OSBP2: variants seen among roughly 807,000 people sequenced by gnomAD.
OSBP2 encodes oxysterol-binding protein 2.
Under a neutral mutation model 96.0 loss-of-function variants are expected in OSBP2, and 66 were observed. The ratio of observed to expected loss-of-function variants is 0.69; its 90% confidence interval spans 0.56 to 0.84. The LOEUF (loss-of-function observed/expected upper bound fraction) is 0.84. OSBP2 is among the 40% of genes least tolerant of loss of function. The probability of loss-of-function intolerance (pLI) is 0.00; values close to 1 mark genes in which losing one functional copy is unlikely to be tolerated. For synonymous variants in OSBP2, 525 were observed against 520.9 expected (o/e 1.01, Z -0.11); for missense variants, 1,038 against 1,222.7 (o/e 0.85, Z 2.25).
chr22:30,789,499 G>T (rs1268719683), intron 2 of OSBP2, among the ~76,000 whole-genome samples: 1 of 152,168 alleles, frequency 6.6e-6, no homozygotes, highest in Admixed American at 6.6e-5. Flanking sequence ...ACAAGTGAAT[G>T]AGTGATTTCC....
rs758024314 is a variant in OSBP2, at chr22:30,881,705, C to A, written c.1108-5721C>A. 2 of 1,304,006 alleles carry A rather than the reference C, an allele frequency of 1.5e-6. No homozygotes were observed. Among genetic ancestry groups the A allele is most frequent in the Non-Finnish European group, 2.0e-6 (2 of 988,914 alleles). 80.8% of individuals were successfully genotyped at this position (1,304,006 alleles called of 1,614,324 possible). ...CAGCATTCTGAGAACAGCAGGGCCA[C>A]GCCAGGCGCCTGCCTCTCCCCACAG... On this transcript the variant is annotated intron_variant, in intron 3 of 13. Coordinates refer to ENST00000332585, the MANE Select transcript of OSBP2 (RefSeq NM_030758.4). The surrounding 1 kb of genome is among the most constrained non-coding windows in gnomAD (Gnocchi z 4.5).
chr22:30,695,535 G>C lies in OSBP2; in HGVS notation c.626G>C (p.Gly209Ala), dbSNP rs752641514. 6.2e-7 allele frequency: 1 copy of C among 1,609,744 alleles called. No homozygotes were observed. Among genetic ancestry groups the C allele is most frequent in the Admixed American group, 1.7e-5 (1 of 59,982 alleles). The change falls in exon 1 of 14, where the codon GGT (glycine) becomes GCT (alanine). Residue 209 changes from glycine (G) to alanine (A), a missense_variant. By Grantham distance (60) the Gly-to-Ala change is moderately conservative (BLOSUM62 0). Coordinates refer to ENST00000332585, the MANE Select transcript of OSBP2 (RefSeq NM_030758.4). ...CGCCGCTGGTTCGTGCTGGGCAATG[G>C]TTTGCTCTCTTACTACAGGTATGGA... ...YQRRWFVLGN[G>A]LLSYYRNQGE...
chr22:30,725,183 AAAAAAC>A (rs1296445189), intron 1 of OSBP2, among the ~76,000 whole-genome samples: 6 of 92,806 alleles, frequency 6.5e-5, no homozygotes, highest in Admixed American at 5.0e-4. Context: ...CTCAAAAACA[AAAAAAC>A]AAAAAAACAA....
intron 2 of OSBP2, chr22:30,764,141 C>T: frequency 1.5e-6 from 1 of 673,134 alleles, no homozygotes. Context: ...CTCAGGGGCT[C>T]CCCGGTTCTC....
rs2039432354 is a variant in OSBP2, at chr22:30,870,366, G to A, written c.854-63G>A. ...CCACCCTGCCCTGCTCGGCCTGGCTGTGCAGGCCTCTTGGTACCACGTCTG... is the reference window on the plus strand; with the variant it reads ...CCACCCTGCCCTGCTCGGCCTGGCTATGCAGGCCTCTTGGTACCACGTCTG... On this transcript the variant is annotated intron_variant, in intron 2 of 13. Transcript: ENST00000332585. This position sits in a 1 kb window ranked among gnomAD's most constrained non-coding sequence, Gnocchi z 4.1. 6.4e-7 allele frequency: 1 copy of A among 1,560,344 alleles called. No individual in the cohort carries two copies. Among genetic ancestry groups the A allele is most frequent in the Non-Finnish European group, 8.8e-7 (1 of 1,141,916 alleles).
intron 1 of OSBP2, among the ~76,000 whole-genome samples, chr22:30,712,842 A>G (rs2089375977): frequency 6.6e-6 from 1 of 151,868 alleles, no homozygotes; most frequent in Admixed American, 6.6e-5. Flanking sequence ...AGTGCCCTCT[A>G]TGTGCCAGGC....
chr22:30,850,354 T>C (rs2038956547), intron 2 of OSBP2, among the ~76,000 whole-genome samples: 1 of 152,070 alleles, frequency 6.6e-6, no homozygotes, highest in Non-Finnish European at 1.5e-5. Flanking sequence ...CATGTCTATT[T>C]CTGAACTCTG....
chr22:30,835,825 C>G (rs1215891117), intron 2 of OSBP2, among the ~76,000 whole-genome samples: 1 of 151,576 alleles, frequency 6.6e-6, no homozygotes, highest in African/African-American at 2.4e-5. Flanking sequence ...TCAAGTGATC[C>G]TCCCACCTCA....
In OSBP2 at chr22:30,890,628, C is replaced by G. The variant is rs1256574399; in HGVS notation, c.1624-100C>G. 2.3e-6 allele frequency: 3 copies of G among 1,331,078 alleles called. No homozygotes were observed. The African/African-American group carries it at 4.3e-5, about 19-fold the overall frequency. The allele number at this position is 1,331,078 out of a possible 1,614,324, so 82.5% of individuals were successfully genotyped here. A position where few individuals can be genotyped will look rare whatever the true frequency, so the allele number is the denominator to read the frequency against. On this transcript the variant is annotated intron_variant, in intron 7 of 13. Coordinates refer to ENST00000332585, the MANE Select transcript of OSBP2 (RefSeq NM_030758.4). The surrounding 1 kb of genome is among the most constrained non-coding windows in gnomAD (Gnocchi z 4.4). ...TCTGAGGAGCCTCACTGTGAAGGTGCTGTCTGAGCAGGGATGTCCCTGAAC... is the reference window on the plus strand; with the variant it reads ...TCTGAGGAGCCTCACTGTGAAGGTGGTGTCTGAGCAGGGATGTCCCTGAAC...
chr22:30,778,189 T>TTTTTTTTTTTTTA (rs2090462021), intron 2 of OSBP2, among the ~76,000 whole-genome samples: 1 of 147,314 alleles, frequency 6.8e-6, no homozygotes, highest in Admixed American at 6.8e-5. Flanking sequence ...TTTTTTTTTT[T>TTTTTTTTTTTTTA]TAGTAGAGAT....
chr22:30,815,255 C>G (rs1409151876), intron 2 of OSBP2, among the ~76,000 whole-genome samples: 3 of 152,160 alleles, frequency 2.0e-5, no homozygotes, highest in Non-Finnish European at 4.4e-5. Context: ...TGTACTCCAG[C>G]CTGGGTAACA....
intron 2 of OSBP2, among the ~76,000 whole-genome samples, chr22:30,778,169 C>CTTTTTTTTTTTTTTTTTTTTTTTTTTTTT (rs1569119423): frequency 8.1e-6 from 1 of 124,184 alleles, no homozygotes; most frequent in Non-Finnish European, 1.7e-5. Flanking sequence ...TAATTTTTGC[C>CTTTTTTTTTTTTTTTTTTTTTTTTTTTTT]CTTTTTTTTT....
At chr22:30,905,662 GGT>G (rs1404039320) in intron 12 of OSBP2, among the ~76,000 whole-genome samples, 173 bp from the exon 13 acceptor site, 5 of 152,252 alleles carry the variant, frequency 3.3e-5, no homozygotes, top group African/African-American at 1.2e-4. Context: ...GCAGCCACTG[GGT>G]TCCGCCGGGT....
chr22:30,695,044 C>T lies in OSBP2; in HGVS notation c.135C>T (p.Gly45=), dbSNP rs1275720797. The T allele has an allele frequency of 2.5e-6, 4 of 1,590,120 alleles. No individual in the cohort carries two copies. The highest frequency in any genetic ancestry group is 2.6e-6 in the Non-Finnish European group (3 of 1,170,186). ...AAPGMSASTS[G]SGPEPKPQPQ... The stretch of plus-strand genomic sequence containing the variant: ...CGGGCATGAGCGCTTCCACGTCCGG[C>T]TCCGGGCCGGAGCCCAAGCCCCAGC... Residue 45 remains glycine, a synonymous_variant, in exon 1 of 14, where the codon GGC becomes GGT. Transcript: ENST00000332585.
rs1246489375 is a variant in OSBP2 at position 30,730,793 on chromosome 22, TA to T, written c.645-10367del. 5.8e-3 allele frequency among the ~76,000 whole-genome samples: 314 copies of T among 54,334 alleles called. 31 individuals carry two copies. Among genetic ancestry groups the T allele is most frequent in the African/African-American group, 0.021 (222 of 10,600 alleles). 35.6% of individuals were successfully genotyped at this position (54,334 alleles called of 152,430 possible). A position where few individuals can be genotyped will look rare whatever the true frequency, so the allele number is the denominator to read the frequency against. On this transcript the variant is annotated intron_variant, in intron 1 of 13. Transcript: ENST00000332585. ...CTCTCTCTATATATATATATATATA[TA>T]TATATATATATATAATTTTTTTTTT... is the stretch of plus-strand genomic sequence containing the variant.
At chr22:30,815,016 T>TGTAATCC (rs2091064731) in intron 2 of OSBP2, among the ~76,000 whole-genome samples, 1 of 151,986 alleles carries the variant, frequency 6.6e-6, no homozygotes, top group Admixed American at 6.6e-5. Flanking sequence ...GCACGGTGGC[T>TGTAATCC]CACACCTGTA....
At position 30,745,306 on chromosome 22, in the gene OSBP2, C is replaced by T. The variant is rs187924828; in HGVS notation, c.853+3937C>T. On this transcript the variant is annotated intron_variant, in intron 2 of 13. Transcript: ENST00000332585. ...GAAATGAAAAACCAAACTTTATACCCGAAGGAAGTAGGTAAAGAACAAACT... is the reference window on the plus strand; with the variant it reads ...GAAATGAAAAACCAAACTTTATACCTGAAGGAAGTAGGTAAAGAACAAACT... Among the ~76,000 whole-genome samples, 280 of 151,902 alleles carry T rather than the reference C, an allele frequency of 1.8e-3. 1 individual carries two copies. The highest frequency in any genetic ancestry group is 2.5e-3 in the Non-Finnish European group (170 of 67,942).
intron 2 of OSBP2, among the ~76,000 whole-genome samples, chr22:30,831,945 T>C (rs5753339): frequency 0.66 from 100,427 of 152,072 alleles, 35,000 homozygotes; most frequent in African/African-American, 0.9. Context: ...CTCCCATGGC[T>C]GTTTCTGTGC....
rs538843733 is a variant in OSBP2, at chr22:30,735,701, ATTC to A, written c.645-5439_645-5437del. Among the ~76,000 whole-genome samples the A allele has an allele frequency of 8.7e-4, 132 of 151,292 alleles. 2 individuals are homozygous for A. In the Middle Eastern group the frequency reaches 0.02, roughly 23 times the overall value. On this transcript the variant is annotated intron_variant, in intron 1 of 13. Coordinates refer to ENST00000332585, the MANE Select transcript of OSBP2 (RefSeq NM_030758.4). Reference sequence around the variant, plus strand: ...TTTTCATATTATTATGGCTGAAGCGATTCTTCTTCTTCTTCTTCTTCTTTTTTT... The same window carrying A: ...TTTTCATATTATTATGGCTGAAGCGATTCTTCTTCTTCTTCTTCTTTTTTT...
Sources: gnomAD v4.1 joint callset for allele counts (sites outside exome capture counted in the v4.1 genomes callset) on GRCh38, gnomAD v4.1.1 for gene constraint, Gnocchi (gnomAD v3.1) non-coding constraint, MANE v1.5 for transcripts, NCBI Gene and HGNC (gene_info 2026-07-23, HGNC 2026-07-21) for gene names.